The following TAFA5 variants were observed in gnomAD, a reference collection of about 807,000 sequenced individuals.
The protein encoded by TAFA5 is chemokine-like protein TAFA-5.
In TAFA5, 6 loss-of-function variants were observed where a neutral mutation model predicts 15.3. The observed-to-expected ratio is 0.39, with a 90% CI of 0.21 to 0.77. The LOEUF (loss-of-function observed/expected upper bound fraction) is 0.77, where lower values mean the gene tolerates loss of function less well. Among genes scored for constraint, TAFA5 ranks in the 30% least tolerant of loss-of-function variants. TAFA5 has a pLI of 0.41. For missense variants in TAFA5, 161 were observed against 193.1 expected (o/e 0.83, Z 0.98); for synonymous variants, 103 against 80.7 (o/e 1.28, Z -1.48).
At chr22:48,497,108 C>T (rs899192093) in intron 1 of TAFA5, among the ~76,000 whole-genome samples, 1 of 152,196 alleles carries the variant, frequency 6.6e-6, no homozygotes, top group Non-Finnish European at 1.5e-5. Flanking sequence ...CAGCTCCACT[C>T]CCCACGGGCT....
At chr22:48,660,976 G>T (rs574023588) in intron 2 of TAFA5, among the ~76,000 whole-genome samples, 1 of 152,138 alleles carries the variant, frequency 6.6e-6, no homozygotes, top group South Asian at 2.1e-4. Flanking sequence ...AAACTCTGAC[G>T]CAGGAGCAGG....
At chr22:48,616,283 G>A (rs146463978) in intron 1 of TAFA5, among the ~76,000 whole-genome samples, 8 of 152,162 alleles carry the variant, frequency 5.3e-5, no homozygotes, top group Non-Finnish European at 8.8e-5. Flanking sequence ...CAATACCGCC[G>A]TAACCCCGCC....
intron 1 of TAFA5, among the ~76,000 whole-genome samples, chr22:48,619,794 G>A (rs371877832): frequency 6.6e-6 from 1 of 152,254 alleles, no homozygotes; most frequent in Non-Finnish European, 1.5e-5. Context: ...TGGTCACAGC[G>A]TAGAGTCTGG....
chr22:48,674,132 C>T (rs985032933), intron 2 of TAFA5, among the ~76,000 whole-genome samples: 19 of 152,326 alleles, frequency 1.2e-4, no homozygotes, highest in South Asian at 1.2e-3. Flanking sequence ...AATTGCCCTC[C>T]GCCCTTCCTC....
At chr22:48,517,397 G>A (rs986215173) in intron 1 of TAFA5, among the ~76,000 whole-genome samples, 1 of 152,136 alleles carries the variant, frequency 6.6e-6, no homozygotes, top group Non-Finnish European at 1.5e-5. Context: ...ATGCAAGATG[G>A]GAAGCAGCCC....
At chr22:48,667,254 T>C (rs1927648906) in intron 2 of TAFA5, among the ~76,000 whole-genome samples, 1 of 142,700 alleles carries the variant, frequency 7.0e-6, no homozygotes. Context: ...GCACTGCATC[T>C]AAGAGCCACG....
intron 3 of TAFA5, among the ~76,000 whole-genome samples, chr22:48,749,354 G>C (rs1374129938): frequency 6.6e-6 from 1 of 152,214 alleles, no homozygotes; most frequent in Non-Finnish European, 1.5e-5. Context: ...GGCCCGGCGT[G>C]GATGGCCAGG....
At chr22:48,572,950 A>T (rs1264089287) in intron 1 of TAFA5, among the ~76,000 whole-genome samples, 1 of 152,248 alleles carries the variant, frequency 6.6e-6, no homozygotes, top group Non-Finnish European at 1.5e-5. Flanking sequence ...GCCTAACTGA[A>T]GGCAGTGTTA....
chr22:48,641,165 C>G (rs997422520), intron 1 of TAFA5, among the ~76,000 whole-genome samples: 1 of 144,366 alleles, frequency 6.9e-6, no homozygotes, highest in Admixed American at 6.7e-5. Flanking sequence ...GCACCGTGGC[C>G]CCCCTGCCAG....
chr22:48,539,873 GC>G (rs1309479803), intron 1 of TAFA5, among the ~76,000 whole-genome samples: 2 of 152,110 alleles, frequency 1.3e-5, no homozygotes, highest in African/African-American at 4.8e-5. Context: ...AGAACCTGCC[GC>G]CACCAGTGCT....
chr22:48,490,350 T>TGGCGCG lies in TAFA5; in HGVS notation c.112+656_112+661dup, dbSNP rs922325096. 6.6e-6 allele frequency among the ~76,000 whole-genome samples: 1 copy of TGGCGCG among 150,670 alleles called. No individual in the cohort carries two copies. The highest frequency in any genetic ancestry group is 2.1e-4 in the South Asian group (1 of 4,676). Reference sequence around the variant, plus strand: ...GGCCCGAGCTGGTGACCGGCGGGACTGGCGCGGGCGCGGGCTGGGGTGGTG... The same window carrying TGGCGCG: ...GGCCCGAGCTGGTGACCGGCGGGACTGGCGCGGGCGCGGGCGCGGGCTGGGGTGGTG... On this transcript the variant is annotated intron_variant, in intron 1 of 3. Coordinates refer to ENST00000402357, the MANE Select transcript of TAFA5 (RefSeq NM_001082967.3). The surrounding 1 kb of genome is among the most constrained non-coding windows in gnomAD (Gnocchi z 5.8).
At chr22:48,683,591 A>G (rs1174599635) in intron 2 of TAFA5, among the ~76,000 whole-genome samples, 1 of 152,226 alleles carries the variant, frequency 6.6e-6, no homozygotes, top group African/African-American at 2.4e-5. Context: ...CGGCTCAGGA[A>G]CAGCCTCCCA....
At chr22:48,646,847 C>A (rs1323708728) in intron 2 of TAFA5, 101 bp downstream of exon 2, 6 of 1,384,258 alleles carry the variant, frequency 4.3e-6, no homozygotes, top group Non-Finnish European at 5.8e-6. Flanking sequence ...TCCCCCTAGG[C>A]CTCAGCGCAT....
intron 2 of TAFA5, among the ~76,000 whole-genome samples, chr22:48,674,920 C>G (rs923089311): frequency 4.6e-5 from 7 of 151,182 alleles, no homozygotes; most frequent in Admixed American, 3.3e-4. Context: ...GCCACAGAGG[C>G]CAAACGATTT....
chr22:48,615,570 C>T (rs1925571263), intron 1 of TAFA5, among the ~76,000 whole-genome samples: 1 of 152,218 alleles, frequency 6.6e-6, no homozygotes, highest in Non-Finnish European at 1.5e-5. Context: ...ATAAATAAAT[C>T]CCTTTCTATT....
At chr22:48,647,421 A>C (rs1363934755) in intron 2 of TAFA5, among the ~76,000 whole-genome samples, 1 of 152,114 alleles carries the variant, frequency 6.6e-6, no homozygotes. Context: ...GGAGCCTGTC[A>C]TCTGGTAGGG....
intron 3 of TAFA5, among the ~76,000 whole-genome samples, chr22:48,711,902 C>T (rs1253151051): frequency 2.6e-5 from 4 of 152,250 alleles, no homozygotes; most frequent in East Asian, 3.8e-4. Context: ...TGTGGCGCCA[C>T]CAGAGTGTGG....
At chr22:48,614,396 A>G (rs1925522975) in intron 1 of TAFA5, among the ~76,000 whole-genome samples, 3 of 152,206 alleles carry the variant, frequency 2.0e-5, no homozygotes, top group Non-Finnish European at 4.4e-5. Flanking sequence ...CCATTCACAG[A>G]TGCACTGATG....
intron 2 of TAFA5, among the ~76,000 whole-genome samples, chr22:48,702,468 C>G (rs1928939878): frequency 6.6e-6 from 1 of 152,124 alleles, no homozygotes; most frequent in East Asian, 1.9e-4. Flanking sequence ...GCTCCCTTCT[C>G]CAGCCACGTC....
Sources: allele counts gnomAD v4.1 joint callset (sites outside exome capture counted in the v4.1 genomes callset), GRCh38; gene constraint gnomAD v4.1.1; non-coding constraint Gnocchi (gnomAD v3.1); transcripts MANE v1.5; gene names NCBI Gene and HGNC (gene_info 2026-07-23, HGNC 2026-07-21).